Variants in CELF4 observed in about 807,000 individuals in gnomAD.
The protein encoded by CELF4 is CUG-BP- and ETR-3-like factor 4.
Under a neutral mutation model 59.9 loss-of-function variants are expected in CELF4, and 18 were observed. The observed-to-expected ratio is 0.30, with a 90% CI of 0.21 to 0.45. The LOEUF (loss-of-function observed/expected upper bound fraction) is 0.45, where lower values mean the gene tolerates loss of function less well. Among genes scored for constraint, CELF4 ranks in the 20% least tolerant of loss-of-function variants. The pLI is 1.00. For missense variants in CELF4, 456 were observed against 689.0 expected, an observed-to-expected ratio of 0.66 and a Z score of 3.79; for synonymous variants, 261 against 267.1, an observed-to-expected ratio of 0.98 and a Z score of 0.22.
intron 2 of CELF4, among the ~76,000 whole-genome samples, chr18:37,423,468 G>A (rs1470314944): frequency 6.6e-6 from 1 of 152,050 alleles, no homozygotes; most frequent in East Asian, 1.9e-4. Flanking sequence ...CAGAGACATT[G>A]TTGGTAAAAG....
At chr18:37,444,652 A>ACGCG (rs1557426532) in intron 2 of CELF4, among the ~76,000 whole-genome samples, 9 of 144,072 alleles carry the variant, frequency 6.2e-5, no homozygotes, top group African/African-American at 2.3e-4. Context: ...ACACACACAC[A>ACGCG]CGCGAACGAT....
At chr18:37,351,673 C>A (rs553297552) in intron 2 of CELF4, among the ~76,000 whole-genome samples, 3 of 146,540 alleles carry the variant, frequency 2.0e-5, no homozygotes, top group African/African-American at 5.1e-5. Flanking sequence ...TGCAGTGGTG[C>A]GATCTTGGCT....
intron 2 of CELF4, among the ~76,000 whole-genome samples, chr18:37,438,468 A>G (rs112407708): frequency 7.9e-5 from 12 of 152,278 alleles, no homozygotes; most frequent in Non-Finnish European, 1.2e-4. Context: ...AGATGAGGAC[A>G]CTGAGACCCA....
At chr18:37,558,794 G>A (rs1430022324) in intron 1 of CELF4, among the ~76,000 whole-genome samples, 1 of 147,686 alleles carries the variant, frequency 6.8e-6, no homozygotes, top group East Asian at 2.0e-4. Flanking sequence ...TGACTTGACT[G>A]AGCTGTCAGG....
rs148228800 is a variant in CELF4 at position 37,552,749 on chromosome 18, G to T, written c.286+12607C>A. 4.4e-3 allele frequency among the ~76,000 whole-genome samples: 664 copies of T among 152,378 alleles called. 5 individuals carry two copies. Among genetic ancestry groups the T allele is most frequent in the African/African-American group, 0.015 (604 of 41,592 alleles). ...AAAGGGTACAGGAGCCTGGCTTTCT[G>T]CTGGCTCCAGCTGGATGGTTCAGCC... On this transcript the variant is annotated intron_variant, in intron 1 of 12. Transcript: ENST00000420428.
intron 2 of CELF4, among the ~76,000 whole-genome samples, chr18:37,449,471 C>T (rs1441370124): frequency 6.6e-6 from 1 of 152,124 alleles, no homozygotes; most frequent in African/African-American, 2.4e-5. Flanking sequence ...CTCATTTAAG[C>T]TTGCAGGGTT....
chr18:37,560,733 T>C, intron 1 of CELF4, among the ~76,000 whole-genome samples: 1 of 152,208 alleles, frequency 6.6e-6, no homozygotes, highest in East Asian at 1.9e-4. Flanking sequence ...CACTGTCTCT[T>C]AGACTCATTT....
rs945623684 is a variant in CELF4 at position 37,363,924 on chromosome 18, G to C, written c.370-42043C>G. 8.5e-5 allele frequency among the ~76,000 whole-genome samples: 13 copies of C among 152,208 alleles called. 1 individual carries two copies. The highest frequency in any genetic ancestry group is 8.5e-4 in the Admixed American group (13 of 15,282). Reference sequence around the variant, plus strand: ...TGATGCACCCATCTGTCTGCAGTGAGGCGGCTAGTGGTGTGGACTGACAGG... The same window carrying C: ...TGATGCACCCATCTGTCTGCAGTGACGCGGCTAGTGGTGTGGACTGACAGG... On this transcript the variant is annotated intron_variant, in intron 2 of 12. Transcript: ENST00000420428.
intron 2 of CELF4, among the ~76,000 whole-genome samples, chr18:37,482,288 T>C (rs557099425): frequency 6.6e-6 from 1 of 152,112 alleles, no homozygotes; most frequent in East Asian, 1.9e-4. Context: ...ATTTTGTGAA[T>C]AGAGGAGCAT....
chr18:37,357,327 G>C (rs562840629), intron 2 of CELF4, among the ~76,000 whole-genome samples: 11 of 152,308 alleles, frequency 7.2e-5, no homozygotes, highest in Non-Finnish European at 1.6e-4. Flanking sequence ...CGTAGAGCTC[G>C]GGCTGTGGCT....
Position 37,439,098 on chromosome 18 carries a change from G to A in CELF4, c.369+46427C>T, listed in dbSNP as rs377502975. 3.2e-4 allele frequency among the ~76,000 whole-genome samples: 49 copies of A among 152,226 alleles called. 1 individual carries two copies. The highest frequency in any genetic ancestry group is 1.0e-3 in the African/African-American group (43 of 41,550). On this transcript the variant is annotated intron_variant, in intron 2 of 12. Transcript: ENST00000420428. ...AGGGCCCCAGGGACTCTCCAGGCCC[G>A]CCCCTTCATTTTACAGATGAGAAAA...
intron 2 of CELF4, among the ~76,000 whole-genome samples, chr18:37,383,193 T>C (rs2099061776): frequency 1.3e-5 from 2 of 152,156 alleles, no homozygotes; most frequent in South Asian, 4.1e-4. Flanking sequence ...AGCCACTGAT[T>C]TAATCATACA....
intron 1 of CELF4, among the ~76,000 whole-genome samples, chr18:37,531,012 CA>C: frequency 6.6e-6 from 1 of 151,510 alleles, no homozygotes; most frequent in Non-Finnish European, 1.5e-5. Flanking sequence ...GTGGGGTAAG[CA>C]GGTGTCTTAT....
chr18:37,272,098 T>C (rs935785955), intron 7 of CELF4, among the ~76,000 whole-genome samples: 40 of 152,134 alleles, frequency 2.6e-4, no homozygotes, highest in Admixed American at 2.6e-3. Context: ...GGAACAGCTC[T>C]TGGATGTTAG....
intron 3 of CELF4, among the ~76,000 whole-genome samples, chr18:37,297,539 G>A (rs1003111495): frequency 1.3e-5 from 2 of 152,148 alleles, no homozygotes; most frequent in Non-Finnish European, 2.9e-5. Flanking sequence ...TCCTTTCTAG[G>A]TCTATTTTTT....
chr18:37,250,213 C>A (rs941499740), intron 12 of CELF4, among the ~76,000 whole-genome samples: 1 of 152,154 alleles, frequency 6.6e-6, no homozygotes, highest in African/African-American at 2.4e-5. Context: ...TTATTTATTT[C>A]CTGGCAAAGA....
chr18:37,470,073 T>C (rs747817068), intron 2 of CELF4, among the ~76,000 whole-genome samples: 9 of 152,246 alleles, frequency 5.9e-5, no homozygotes, highest in Admixed American at 1.3e-4. Flanking sequence ...TTGCATCTGT[T>C]AGATACTGAA....
chr18:37,274,620 T>C (rs1318220749), intron 5 of CELF4, 166 bp from the exon 6 acceptor site: 18 of 1,513,246 alleles, frequency 1.2e-5, no homozygotes, highest in Non-Finnish European at 1.6e-5. Flanking sequence ...GCGGGCATTT[T>C]CCACCTGGGT....
Position 37,485,571 on chromosome 18 carries a change from G to A in CELF4, c.323C>T (p.Ala108Val). 1.4e-6 allele frequency: 2 copies of A among 1,458,204 alleles called. No individual in the cohort carries two copies. Among genetic ancestry groups the A allele is most frequent in the Non-Finnish European group, 1.8e-6 (2 of 1,092,944 alleles). 90.3% of individuals were successfully genotyped at this position (1,458,204 alleles called of 1,614,324 possible). A position where few individuals can be genotyped will look rare whatever the true frequency, so the allele number is the denominator to read the frequency against. Residue 108 changes from alanine (A) to valine (V), a missense_variant, in exon 2 of 13, where the codon GCG becomes GTG. Coordinates refer to ENST00000420428, the MANE Select transcript of CELF4 (RefSeq NM_020180.4). ...GTGCAGCGCGCTCTGGGCCTTCAGCGCTGACTCACGCTCGCAGTAGGTGAG... is the reference window on the plus strand; with the variant it reads ...GTGCAGCGCGCTCTGGGCCTTCAGCACTGACTCACGCTCGCAGTAGGTGAG... ...AFLTYCERES[A>V]LKAQSALHEQ...
Sources: gnomAD v4.1 joint callset for allele counts (sites outside exome capture counted in the v4.1 genomes callset) on GRCh38, gnomAD v4.1.1 for gene constraint, MANE v1.5 for transcripts, NCBI Gene and HGNC (gene_info 2026-07-23, HGNC 2026-07-21) for gene names.